The following FOXP2 variants were observed in gnomAD, a reference collection of about 807,000 sequenced individuals.
FOXP2 encodes the protein forkhead box protein P2.
FOXP2 carries 12 observed loss-of-function variants against 115.8 expected under a neutral mutation model. The observed-to-expected ratio is 0.10, with a 90% CI of 0.07 to 0.17. The LOEUF is 0.17. Ranked by LOEUF, FOXP2 falls within the 10% of genes least tolerant of loss-of-function variation. FOXP2 has a pLI of 1.00. For missense variants in FOXP2, 629 were observed against 843.5 expected (o/e 0.75, Z 3.15); for synonymous variants, 328 against 297.7 (o/e 1.10, Z -1.05).
At chr7:114,170,986 A>G (rs948417173) in intron 1 of FOXP2, among the ~76,000 whole-genome samples, 4 of 152,236 alleles carry the variant, frequency 2.6e-5, no homozygotes, top group East Asian at 1.9e-4. Context: ...TTTTCTAGCT[A>G]GAGAAGTGAG....
intron 2 of FOXP2, among the ~76,000 whole-genome samples, chr7:114,517,522 C>T (rs1158272773): frequency 3.3e-5 from 5 of 152,260 alleles, no homozygotes; most frequent in Admixed American, 2.6e-4. Context: ...TTTCGTTCTG[C>T]ATATCCAGAA....
chr7:114,102,490 T>G (rs1790999120), intron 1 of FOXP2, among the ~76,000 whole-genome samples: 1 of 152,038 alleles, frequency 6.6e-6, no homozygotes, highest in Non-Finnish European at 1.5e-5. Context: ...TGACTGTGCC[T>G]GTGTTCCAGA....
Position 114,629,888 on chromosome 7 carries a change from GCAA to G in FOXP2, c.486_488del (p.Gln191del), listed in dbSNP as rs1804795041. ...AGCAGCAGCAGCAACAGCAGCAGCA[GCAA>G]CAACAGCAGCAACAACAGCAGCAGC... is the stretch of plus-strand genomic sequence containing the variant. On this transcript the variant is annotated inframe_deletion, in exon 5 of 17. Coordinates refer to ENST00000350908, the MANE Select transcript of FOXP2 (RefSeq NM_014491.4). 5 of 1,610,844 alleles carry G rather than the reference GCAA, an allele frequency of 3.1e-6. No homozygotes were observed. Among genetic ancestry groups the G allele is most frequent in the African/African-American group, 1.3e-5 (1 of 74,310 alleles).
Position 114,690,270 on chromosome 7 carries a change from A to C in FOXP2, c.*344A>C, listed in dbSNP as rs930241237. 4.3e-6 allele frequency: 2 copies of C among 463,066 alleles called. No homozygotes were observed. The highest frequency in any genetic ancestry group is 8.6e-6 in the Non-Finnish European group (2 of 233,158). 28.7% of individuals were successfully genotyped at this position (463,066 alleles called of 1,614,324 possible). A position where few individuals can be genotyped will look rare whatever the true frequency, so the allele number is the denominator to read the frequency against. ...ATGAAATGACTGAATATGAGGATAC[A>C]TGTCCTGTAGAAAGCAAATGCGCCT... is the stretch of plus-strand genomic sequence containing the variant. On this transcript the variant is annotated 3_prime_UTR_variant, in exon 17 of 17. Coordinates refer to ENST00000350908, the MANE Select transcript of FOXP2 (RefSeq NM_014491.4).
intron 3 of FOXP2, among the ~76,000 whole-genome samples, chr7:114,557,441 T>C (rs1477573923): frequency 6.6e-6 from 1 of 152,220 alleles, no homozygotes; most frequent in Non-Finnish European, 1.5e-5. Flanking sequence ...AATTATGCTC[T>C]GAATGCTCTA....
chr7:114,587,928 T>C (rs1277019424), intron 3 of FOXP2, among the ~76,000 whole-genome samples: 1 of 140,380 alleles, frequency 7.1e-6, no homozygotes, highest in African/African-American at 2.8e-5. Flanking sequence ...TTCTCATCCT[T>C]ATTTTAAGTG....
chr7:114,109,010 C>T (rs964441344), intron 1 of FOXP2, among the ~76,000 whole-genome samples: 1 of 151,798 alleles, frequency 6.6e-6, no homozygotes, highest in Middle Eastern at 3.2e-3. Context: ...AATACTAAAA[C>T]TTTTAATATT....
intron 2 of FOXP2, among the ~76,000 whole-genome samples, chr7:114,324,152 T>G (rs1797497989): frequency 6.6e-6 from 1 of 151,918 alleles, no homozygotes. Context: ...AATCCTCCTA[T>G]TCTCCCAGTA....
In FOXP2 at chr7:114,556,487, A is replaced by C. The variant is rs77241485; in HGVS notation, c.258+21781A>C. On this transcript the variant is annotated intron_variant, in intron 3 of 16. Transcript: ENST00000350908. ...TGAATTGCTCCCCCCTAAGGAGTAA[A>C]GCATACAGTAAAAGAGATGCTGGTA... Among the ~76,000 whole-genome samples, 222 of 152,340 alleles carry C rather than the reference A, an allele frequency of 1.5e-3. 4 individuals carry two copies. In the East Asian group the frequency reaches 0.036, roughly 24 times the overall value.
intron 2 of FOXP2, among the ~76,000 whole-genome samples, chr7:114,515,688 A>G (rs913105988): frequency 1.3e-5 from 2 of 151,792 alleles, no homozygotes; most frequent in Middle Eastern, 3.2e-3. Context: ...CTCTGATGGT[A>G]GTTTCTTTTG....
At chr7:114,343,897 CT>C (rs1468001753) in intron 2 of FOXP2, among the ~76,000 whole-genome samples, 1 of 151,614 alleles carries the variant, frequency 6.6e-6, no homozygotes, top group Non-Finnish European at 1.5e-5. Flanking sequence ...ATATAATTTA[CT>C]CATTTATGAT....
chr7:114,596,701 G>T (rs903719085), intron 3 of FOXP2, among the ~76,000 whole-genome samples: 2 of 152,010 alleles, frequency 1.3e-5, no homozygotes, highest in South Asian at 4.1e-4. Flanking sequence ...TAAAAGACTT[G>T]TCTGATAAAG....
intron 2 of FOXP2, among the ~76,000 whole-genome samples, chr7:114,487,214 C>A (rs1026661996): frequency 2.6e-5 from 4 of 152,206 alleles, no homozygotes; most frequent in African/African-American, 9.7e-5. Context: ...TGTGCCCCAA[C>A]AGGATCAACA....
chr7:114,379,834 T>C (rs901496789), intron 2 of FOXP2, among the ~76,000 whole-genome samples: 3 of 152,212 alleles, frequency 2.0e-5, no homozygotes, highest in African/African-American at 7.2e-5. Context: ...TGATGGGTGC[T>C]ATCAATGCCT....
At chr7:114,622,921 G>A (rs911128227) in intron 3 of FOXP2, among the ~76,000 whole-genome samples, 1 of 151,886 alleles carries the variant, frequency 6.6e-6, no homozygotes, top group Non-Finnish European at 1.5e-5. Context: ...AATGGATCTA[G>A]CTCACTAGCC....
At chr7:114,235,588 T>C (rs1485361823) in intron 1 of FOXP2, among the ~76,000 whole-genome samples, 6 of 152,228 alleles carry the variant, frequency 3.9e-5, no homozygotes, top group Admixed American at 6.5e-5. Context: ...ATTTCTATTT[T>C]ATACAACATC....
intron 1 of FOXP2, among the ~76,000 whole-genome samples, chr7:114,192,706 T>A (rs964115693): frequency 2.0e-5 from 3 of 152,226 alleles, no homozygotes; most frequent in Non-Finnish European, 4.4e-5. Flanking sequence ...TGTAAAGGTT[T>A]TATGAGTTCA....
intron 1 of FOXP2, among the ~76,000 whole-genome samples, chr7:114,130,633 T>C (rs1226321356): frequency 6.6e-6 from 1 of 152,248 alleles, no homozygotes; most frequent in Non-Finnish European, 1.5e-5. Context: ...GGACTTTTAA[T>C]ATATTTATGG....
upstream of FOXP2, among the ~76,000 whole-genome samples, chr7:114,087,562 G>A (rs1799445514): frequency 6.6e-6 from 1 of 150,790 alleles, no homozygotes; most frequent in African/African-American, 2.4e-5. Context: ...GGCCCCGGCG[G>A]GCAGGCGGGC....
Sources: gnomAD v4.1 joint callset for allele counts (sites outside exome capture counted in the v4.1 genomes callset) on GRCh38, gnomAD v4.1.1 for gene constraint, MANE v1.5 for transcripts, NCBI Gene and HGNC (gene_info 2026-07-23, HGNC 2026-07-21) for gene names.